NRCAM: variants seen among roughly 807,000 people sequenced by gnomAD.
NRCAM encodes NgCAM-related cell adhesion molecule.
In NRCAM, 83 loss-of-function variants were observed where a neutral mutation model predicts 156.5. The ratio of observed to expected loss-of-function variants is 0.53; its 90% confidence interval spans 0.44 to 0.64. NRCAM has a LOEUF of 0.64. NRCAM is among the 30% of genes least tolerant of loss of function. The pLI is 0.00. For missense variants in NRCAM, 1,417 were observed against 1,597.3 expected, an observed-to-expected ratio of 0.89 and a Z score of 1.92; for synonymous variants, 538 against 563.9, an observed-to-expected ratio of 0.95 and a Z score of 0.65.
rs372233584 is a variant in NRCAM at position 108,159,204 on chromosome 7, A to G, written c.3677+259T>C. 405 of 647,178 alleles carry G rather than the reference A, an allele frequency of 6.3e-4. 3 individuals are homozygous for G. The African/African-American group carries it at 6.7e-3, about 11-fold the overall frequency. The allele number at this position is 647,178 out of a possible 1,614,324, so 40.1% of individuals were successfully genotyped here. ...GCTTTGCTAGATTGATCAATACAGC[A>G]TGGTCCCATGGAAAATATGACAAAG... is the stretch of plus-strand genomic sequence containing the variant. On this transcript the variant is annotated intron_variant, in intron 32 of 32. Coordinates refer to ENST00000379028, the MANE Select transcript of NRCAM (RefSeq NM_001037132.4).
intron 1 of NRCAM, among the ~76,000 whole-genome samples, chr7:108,424,277 C>T (rs1281209077): frequency 2.0e-5 from 3 of 152,152 alleles, no homozygotes; most frequent in Non-Finnish European, 4.4e-5. Flanking sequence ...CCCTCAGTCC[C>T]ATGTAGTCTT....
chr7:108,380,556 T>A (rs1016713819), intron 2 of NRCAM, among the ~76,000 whole-genome samples: 1 of 152,236 alleles, frequency 6.6e-6, no homozygotes, highest in Non-Finnish European at 1.5e-5. Flanking sequence ...GTAAGCATAC[T>A]TTACAGTTAT....
intron 2 of NRCAM, among the ~76,000 whole-genome samples, chr7:108,319,908 A>G (rs2098980191): frequency 6.6e-6 from 1 of 152,218 alleles, no homozygotes; most frequent in African/African-American, 2.4e-5. Flanking sequence ...CCTAAGGGCA[A>G]TGGGAAGCCA....
intron 3 of NRCAM, among the ~76,000 whole-genome samples, chr7:108,309,716 G>T (rs144910999): frequency 6.6e-6 from 1 of 152,198 alleles, no homozygotes; most frequent in Non-Finnish European, 1.5e-5. Context: ...AAGTAGCCAG[G>T]CATGTTGGTA....
At chr7:108,332,067 G>C (rs542904257) in intron 2 of NRCAM, among the ~76,000 whole-genome samples, 39 of 152,306 alleles carry the variant, frequency 2.6e-4, no homozygotes, top group African/African-American at 9.1e-4. Flanking sequence ...AGGCATCAAA[G>C]AGTGTGTTTC....
intron 11 of NRCAM, among the ~76,000 whole-genome samples, chr7:108,210,674 C>T (rs2083703289): frequency 6.6e-6 from 1 of 152,102 alleles, no homozygotes; most frequent in East Asian, 1.9e-4. Flanking sequence ...GCTTAGTTTC[C>T]TTAGTTGCCT....
chr7:108,304,731 A>G (rs78766649), intron 3 of NRCAM, among the ~76,000 whole-genome samples: 1,632 of 152,296 alleles, frequency 0.011, 37 homozygotes, highest in African/African-American at 0.037. Context: ...ATTACTGAAC[A>G]TGCTTCTTAT....
intron 1 of NRCAM, among the ~76,000 whole-genome samples, chr7:108,440,773 G>C (rs1450758861): frequency 2.0e-5 from 3 of 152,198 alleles, no homozygotes; most frequent in African/African-American, 7.2e-5. Flanking sequence ...GTCAGAAGCG[G>C]TGAGTTCTGG....
rs183537026 is a variant in NRCAM, at chr7:108,423,201, C to T, written c.-331-23608G>A. ...CATATATGGAATAATGAAATATGTA[C>T]ATAATACAAAGATCAGAGGTAGCTG... On this transcript the variant is annotated intron_variant, in intron 1 of 32. Coordinates refer to ENST00000379028, the MANE Select transcript of NRCAM (RefSeq NM_001037132.4). Among the ~76,000 whole-genome samples, 523 of 151,676 alleles carry T rather than the reference C, an allele frequency of 3.4e-3. 3 individuals are homozygous for T. The highest frequency in any genetic ancestry group is 0.011 in the African/African-American group (458 of 41,322).
intron 19 of NRCAM, 99 bp from the exon 20 acceptor site, chr7:108,189,845 C>T (rs1032697670): frequency 3.3e-6 from 2 of 614,944 alleles, no homozygotes; most frequent in African/African-American, 3.8e-5. Context: ...CTTAAAGACA[C>T]AGCACACTTG....
intron 3 of NRCAM, among the ~76,000 whole-genome samples, chr7:108,297,730 GA>G (rs1280603866): frequency 6.6e-6 from 1 of 151,832 alleles, no homozygotes; most frequent in Non-Finnish European, 1.5e-5. Flanking sequence ...GTATTACAGA[GA>G]AAAAAAATAA....
chr7:108,181,777 G>T, intron 24 of NRCAM, 45 bp downstream of exon 24: 1 of 1,334,516 alleles, frequency 7.5e-7, no homozygotes, highest in Non-Finnish European at 1.1e-6. Flanking sequence ...GGCATTCGCT[G>T]CAGCCCTTAC....
At chr7:108,173,287 T>C (rs1265384770) in intron 28 of NRCAM, among the ~76,000 whole-genome samples, 1 of 152,100 alleles carries the variant, frequency 6.6e-6, no homozygotes, top group Non-Finnish European at 1.5e-5. Context: ...CGCCCGGCCA[T>C]ATTGATGCTT....
chr7:108,368,956 G>T (rs1262944075), intron 2 of NRCAM, among the ~76,000 whole-genome samples: 1 of 152,006 alleles, frequency 6.6e-6, no homozygotes, highest in Non-Finnish European at 1.5e-5. Flanking sequence ...AAAATAGGGG[G>T]ATTTAACAGA....
intron 13 of NRCAM, 54 bp from the exon 14 acceptor site, chr7:108,198,153 T>A: frequency 6.9e-7 from 1 of 1,449,224 alleles, no homozygotes; most frequent in Non-Finnish European, 9.3e-7. Context: ...AAAAGATGTA[T>A]ATTAAGCTTG....
chr7:108,340,885 G>A (rs1431199084), intron 2 of NRCAM, among the ~76,000 whole-genome samples: 1 of 152,086 alleles, frequency 6.6e-6, no homozygotes, highest in East Asian at 1.9e-4. Flanking sequence ...CAAAAACTTA[G>A]AAACCCTATT....
At chr7:108,211,503 C>T (rs976976132) in intron 11 of NRCAM, among the ~76,000 whole-genome samples, 5 of 152,166 alleles carry the variant, frequency 3.3e-5, no homozygotes, top group Non-Finnish European at 7.4e-5. Flanking sequence ...TCAAGCCCCG[C>T]TCACCCACTG....
intron 2 of NRCAM, among the ~76,000 whole-genome samples, chr7:108,367,296 T>A (rs2099597672): frequency 6.6e-6 from 1 of 152,200 alleles, no homozygotes; most frequent in Non-Finnish European, 1.5e-5. Flanking sequence ...TAAAAGTGAA[T>A]AATCACATTA....
intron 1 of NRCAM, among the ~76,000 whole-genome samples, chr7:108,417,955 G>A (rs188941695): frequency 6.6e-6 from 1 of 152,248 alleles, no homozygotes; most frequent in East Asian, 1.9e-4. Flanking sequence ...CAACCTTTTA[G>A]CCATTTAGCA....
Sources: gnomAD v4.1 joint callset for allele counts (sites outside exome capture counted in the v4.1 genomes callset) on GRCh38, gnomAD v4.1.1 for gene constraint, MANE v1.5 for transcripts, NCBI Gene and HGNC (gene_info 2026-07-23, HGNC 2026-07-21) for gene names.